The following CCDC12 variants were observed in gnomAD, a reference collection of about 807,000 sequenced individuals.
CCDC12 encodes coiled-coil domain containing 12, also known as coiled-coil domain-containing protein 12.
A neutral mutation model predicts 25.7 loss-of-function variants in CCDC12; 28 were observed. The ratio of observed to expected loss-of-function variants is 1.09; its 90% confidence interval spans 0.81 to 1.50. The LOEUF is 1.50. CCDC12 is among the 40% of genes most tolerant of loss of function. CCDC12 has a pLI of 0.00. For missense variants in CCDC12, 198 were observed against 210.0 expected (o/e 0.94, Z 0.35); for synonymous variants, 75 against 87.7 (o/e 0.86, Z 0.81).
At chr3:46,925,654 T>C (rs934171679) in intron 2 of CCDC12, 119 bp from the exon 3 acceptor site, 32 of 867,798 alleles carry the variant, frequency 3.7e-5, no homozygotes, top group Non-Finnish European at 5.1e-5. Context: ...TCTCTGGAGA[T>C]AGCCTGGTAA....
chr3:46,955,928 C>T (rs895233077), intron 1 of CCDC12, among the ~76,000 whole-genome samples: 2 of 152,200 alleles, frequency 1.3e-5, no homozygotes, highest in Non-Finnish European at 2.9e-5. Flanking sequence ...GGGCCTCTGG[C>T]CCCCACCAAT....
chr3:46,963,999 C>G lies in CCDC12; in HGVS notation c.96+12638G>C, dbSNP rs1433062304. Among the ~76,000 whole-genome samples the G allele has an allele frequency of 8.4e-4, 128 of 152,074 alleles. 1 individual carries two copies. Among genetic ancestry groups the G allele is most frequent in the Non-Finnish European group, 1.2e-3 (83 of 67,998 alleles). On this transcript the variant is annotated intron_variant, in intron 1 of 6. Transcript: ENST00000683445. ...CGCCTCTTCCCGGCCGCCATCCCAT[C>G]TAGGAAGTGAGGAGCGTCTCTGCCC...
intron 2 of CCDC12, among the ~76,000 whole-genome samples, chr3:46,939,509 GA>G: frequency 6.6e-6 from 1 of 152,248 alleles, no homozygotes; most frequent in South Asian, 2.1e-4. Context: ...CAGAATGGGG[GA>G]AACTGTGCCA....
At chr3:46,971,211 T>C (rs551757659) in intron 1 of CCDC12, among the ~76,000 whole-genome samples, 1 of 152,386 alleles carries the variant, frequency 6.6e-6, no homozygotes, top group Admixed American at 6.5e-5. Flanking sequence ...CCATGCTGCC[T>C]TCCCATGAAG....
At chr3:46,924,261 GC>G (rs1206908174) in intron 3 of CCDC12, 5 of 152,364 alleles carry the variant, frequency 3.3e-5, no homozygotes, top group African/African-American at 1.2e-4. Context: ...CATTCAGTGG[GC>G]CCATGAGTGC....
intron 1 of CCDC12, among the ~76,000 whole-genome samples, chr3:46,973,603 T>C (rs571414355): frequency 7.5e-6 from 1 of 133,478 alleles, no homozygotes; most frequent in South Asian, 2.4e-4. Context: ...ACTCCCATGT[T>C]TCTTCTTTTC....
At chr3:46,941,595 G>A (rs1411890197) in intron 1 of CCDC12, among the ~76,000 whole-genome samples, 5 of 151,158 alleles carry the variant, frequency 3.3e-5, no homozygotes, top group African/African-American at 7.3e-5. Context: ...AAAAAAGTCC[G>A]TAACTCCAGC....
chr3:46,929,795 G>A lies in CCDC12; in HGVS notation c.165-4260C>T, dbSNP rs368357743. ...TAATTCCAACACTTTGGGAGGCCGA[G>A]GCGGGTGGATCACCTGAGGTCAGGA... On this transcript the variant is annotated intron_variant, in intron 2 of 6. Transcript: ENST00000683445. 3.9e-5 allele frequency among the ~76,000 whole-genome samples: 6 copies of A among 152,112 alleles called. No homozygotes were observed. The East Asian group carries it at 1.2e-3, about 29-fold the overall frequency.
At chr3:46,935,914 C>A (rs950493769) in intron 2 of CCDC12, among the ~76,000 whole-genome samples, 5 of 152,164 alleles carry the variant, frequency 3.3e-5, no homozygotes, top group African/African-American at 9.7e-5. Context: ...TCCCAGCAAG[C>A]TTTTTCTAAT....
chr3:46,980,510 C>T (rs746737924), upstream of CCDC12, among the ~76,000 whole-genome samples: 1 of 152,092 alleles, frequency 6.6e-6, no homozygotes, highest in Non-Finnish European at 1.5e-5. Context: ...CCCACCCCAC[C>T]CCCATTCTGA....
intron 2 of CCDC12, among the ~76,000 whole-genome samples, chr3:46,939,624 C>G (rs2033612400): frequency 6.6e-6 from 1 of 152,172 alleles, no homozygotes; most frequent in Non-Finnish European, 1.5e-5. Context: ...GAGCTGGGGG[C>G]TGAGGCCCAA....
At chr3:46,963,607 C>T (rs1023841028) in intron 1 of CCDC12, among the ~76,000 whole-genome samples, 5 of 152,242 alleles carry the variant, frequency 3.3e-5, no homozygotes, top group African/African-American at 4.8e-5. Context: ...AGGCGCGCGC[C>T]GCCACACCTG....
intron 2 of CCDC12, among the ~76,000 whole-genome samples, chr3:46,930,905 G>A (rs1308535551): frequency 1.3e-5 from 2 of 151,794 alleles, no homozygotes; most frequent in East Asian, 3.9e-4. Flanking sequence ...GCCCTGTGTC[G>A]GCTGCATGTC....
rs116680732 is a variant in CCDC12 at position 46,931,190 on chromosome 3, T to C, written c.165-5655A>G. Among the ~76,000 whole-genome samples, 716 of 152,318 alleles carry C rather than the reference T, an allele frequency of 4.7e-3. 8 individuals carry two copies. Among genetic ancestry groups the C allele is most frequent in the African/African-American group, 0.016 (646 of 41,564 alleles). ...CAGGGAATGCCAAGTTTGCATTCCA[T>C]AGAGTTTCCTTCTAAAATGGGTAGC... On this transcript the variant is annotated intron_variant, in intron 2 of 6. Transcript: ENST00000683445.
chr3:46,935,435 G>A (rs747122135), intron 2 of CCDC12, among the ~76,000 whole-genome samples: 74 of 151,974 alleles, frequency 4.9e-4, no homozygotes, highest in Admixed American at 9.8e-4. Flanking sequence ...AGCCACAAAC[G>A]CTGCCCTAGA....
intron 1 of CCDC12, among the ~76,000 whole-genome samples, chr3:46,942,633 C>A (rs1436903220): frequency 2.0e-5 from 3 of 152,188 alleles, no homozygotes; most frequent in Admixed American, 2.0e-4. Context: ...GAGCAGACTA[C>A]CAAAACCAGG....
At chr3:46,923,080 A>C in intron 5 of CCDC12, 1 of 379,060 alleles carries the variant, frequency 2.6e-6, no homozygotes, top group Non-Finnish European at 4.6e-6. Context: ...TGGGCTCTCA[A>C]CCTCTCAGGA....
At chr3:46,951,656 T>C (rs1384338192) in intron 1 of CCDC12, among the ~76,000 whole-genome samples, 1 of 147,166 alleles carries the variant, frequency 6.8e-6, no homozygotes, top group East Asian at 2.0e-4. Context: ...GGCGGGCACC[T>C]GCAGTCCCAG....
chr3:46,970,851 C>T (rs557672696), intron 1 of CCDC12, among the ~76,000 whole-genome samples: 9 of 152,324 alleles, frequency 5.9e-5, no homozygotes, highest in African/African-American at 2.2e-4. Flanking sequence ...TCCACACAGC[C>T]TTGAACTGTT....
Sources: allele counts gnomAD v4.1 joint callset (sites outside exome capture counted in the v4.1 genomes callset), GRCh38; gene constraint gnomAD v4.1.1; transcripts MANE v1.5; gene names NCBI Gene and HGNC (gene_info 2026-07-23, HGNC 2026-07-21).